Variants in DNAH5 observed in about 807,000 individuals in gnomAD.
DNAH5 encodes dynein axonemal heavy chain 5.
A neutral mutation model predicts 518.2 loss-of-function variants in DNAH5; 372 were observed. The ratio of observed to expected loss-of-function variants is 0.72; its 90% confidence interval spans 0.66 to 0.78. The LOEUF (loss-of-function observed/expected upper bound fraction) is 0.78, where lower values mean the gene tolerates loss of function less well. DNAH5 is among the 30% of genes least tolerant of loss of function. The pLI is 0.00. For synonymous variants in DNAH5, 2,039 were observed against 2,025.9 expected (o/e 1.01, Z -0.17); for missense variants, 5,523 against 5,687.0 (o/e 0.97, Z 0.93).
rs149133845 is a variant in DNAH5, at chr5:13,758,942, C to T, written c.10323G>A (p.Met3441Ile). ...CGGCCTGGGCTTTCTGCAGATCCTG[C>T]ATGGCCAGGAGATGGCGATTCTCTT... ...VVQENRHLLA[M>I]QDLQKAQAEL... Residue 3441 changes from methionine to isoleucine, a missense_variant, in exon 61 of 79, where the codon ATG becomes ATA. Met to Ile is a conservative substitution (Grantham distance 10, BLOSUM62 1). Coordinates refer to ENST00000265104, the MANE Select transcript of DNAH5 (RefSeq NM_001369.3). 2.8e-4 allele frequency: 458 copies of T among 1,614,158 alleles called. 2 individuals are homozygous for T. The African/African-American group carries it at 5.3e-3, about 19-fold the overall frequency.
chr5:13,952,793 T>G (rs563113609), intron 1 of DNAH5, among the ~76,000 whole-genome samples: 15 of 152,270 alleles, frequency 9.9e-5, no homozygotes, highest in Middle Eastern at 3.4e-3. Context: ...TCTTCAGGGT[T>G]TTTTAAAGAG....
chr5:13,841,234 C>T (rs1765116359), intron 33 of DNAH5, 104 bp from the exon 34 acceptor site: 6 of 902,646 alleles, frequency 6.6e-6, no homozygotes, highest in Non-Finnish European at 7.0e-6. Flanking sequence ...AAGTGTAAAG[C>T]CATGATTACA....
At chr5:13,738,959 A>G (rs1439550067) in intron 65 of DNAH5, among the ~76,000 whole-genome samples, 1 of 152,142 alleles carries the variant, frequency 6.6e-6, no homozygotes, top group Non-Finnish European at 1.5e-5. Flanking sequence ...CTGCGTTTAT[A>G]ATGTACAATT....
At chr5:13,937,787 A>G (rs894847100) in intron 1 of DNAH5, among the ~76,000 whole-genome samples, 2 of 152,158 alleles carry the variant, frequency 1.3e-5, no homozygotes, top group African/African-American at 4.8e-5. Context: ...ACACGTTGAA[A>G]TGAATATATT....
chr5:13,803,244 A>T (rs529284218), intron 47 of DNAH5, among the ~76,000 whole-genome samples: 41 of 152,206 alleles, frequency 2.7e-4, no homozygotes, highest in Non-Finnish European at 5.3e-4. Context: ...TATGCTCTTT[A>T]TTAAGAAATC....
At chr5:13,867,632 C>T in intron 25 of DNAH5, 142 bp downstream of exon 25, 1 of 757,350 alleles carries the variant, frequency 1.3e-6, no homozygotes, top group Non-Finnish European at 2.3e-6. Flanking sequence ...AAATGTTTTT[C>T]TCTCATGAAA....
intron 29 of DNAH5, among the ~76,000 whole-genome samples, chr5:13,860,792 A>G (rs1446771088): frequency 6.6e-6 from 1 of 152,204 alleles, no homozygotes; most frequent in Non-Finnish European, 1.5e-5. Context: ...ATCCTAAATG[A>G]TTATACAGCC....
rs913769097 is a variant in DNAH5 at position 13,817,765 on chromosome 5, A to C, written c.6842-71T>G. 4 of 1,489,106 alleles carry C rather than the reference A, an allele frequency of 2.7e-6. No individual in the cohort carries two copies. In the South Asian group the frequency reaches 4.6e-5, roughly 17 times the overall value. 92.2% of individuals were successfully genotyped at this position (1,489,106 alleles called of 1,614,324 possible). A position where few individuals can be genotyped will look rare whatever the true frequency, so the allele number is the denominator to read the frequency against. On this transcript the variant is annotated intron_variant, in intron 41 of 78. Transcript: ENST00000265104. ...AACCATCATTAAGCAACATTGCACT[A>C]ATTTGTGGTGTACTGTCAGCAGGTG...
intron 65 of DNAH5, among the ~76,000 whole-genome samples, chr5:13,738,968 T>G (rs1747997980): frequency 6.6e-6 from 1 of 152,094 alleles, no homozygotes; most frequent in African/African-American, 2.4e-5. Flanking sequence ...TAATGTACAA[T>G]TCATTATAAG....
At position 13,964,288 on chromosome 5, in the gene DNAH5, T is replaced by C. The variant is rs188437044; in HGVS notation, c.13-33044A>G. Among the ~76,000 whole-genome samples, 9 of 152,306 alleles carry C rather than the reference T, an allele frequency of 5.9e-5. No homozygotes were observed. The East Asian group carries it at 1.5e-3, about 26-fold the overall frequency. On this transcript the variant is annotated intron_variant, in intron 1 of 78. Coordinates refer to the DNAH5 transcript ENST00000681290. The stretch of plus-strand genomic sequence containing the variant: ...GCACCTTAGTACCAAAACGGGCCTT[T>C]TGAGCCCCTCTGGCTCCTCCACGGT...
At chr5:13,768,847 G>C in intron 58 of DNAH5, 113 bp downstream of exon 58, 1 of 1,216,646 alleles carries the variant, frequency 8.2e-7, no homozygotes, top group East Asian at 2.3e-5. Flanking sequence ...CACTCAAGTG[G>C]ATAGAGCTTT....
At chr5:13,890,940 A>G in intron 17 of DNAH5, 36 bp downstream of exon 17, 4 of 1,613,588 alleles carry the variant, frequency 2.5e-6, no homozygotes, top group Non-Finnish European at 2.5e-6. Flanking sequence ...TGAATCACCA[A>G]AAACCTTAAA....
chr5:13,753,414 C>T lies in DNAH5; in HGVS notation c.10691G>A (p.Ser3564Asn). The change falls in exon 63 of 79, where the codon AGT becomes AAT. Residue 3564 changes from serine to asparagine, a missense_variant. Ser to Asn is a conservative substitution (Grantham distance 46, BLOSUM62 1). Coordinates refer to ENST00000265104, the MANE Select transcript of DNAH5 (RefSeq NM_001369.3). ...KIPFGKNLNL[S>N]EMLIDAPTIS... is the part of the protein sequence containing the mutation. Reference sequence around the variant, plus strand: ...AGTAGGAGCATCAATCAACATCTCACTGAGATTTAGGTTCTTTCCAAATGG... The same window carrying T: ...AGTAGGAGCATCAATCAACATCTCATTGAGATTTAGGTTCTTTCCAAATGG... 1 of 1,614,056 alleles carries T rather than the reference C, an allele frequency of 6.2e-7. No individual in the cohort carries two copies. Among genetic ancestry groups the T allele is most frequent in the South Asian group, 1.1e-5 (1 of 91,076 alleles).
In DNAH5 at chr5:13,894,744, G is replaced by A. The variant is rs748444606; in HGVS notation, c.2337C>T (p.Ala779=). Residue 779 remains alanine, a synonymous_variant, in exon 16 of 79, where the codon GCC becomes GCT. Transcript: ENST00000265104. ...AIEQLIVPHL[A]KVDEALQPGL... is the part of the protein sequence containing the mutation. ...CAGGTTGGAGAGCTTCATCCACTTTGGCCAAGTGAGGGACAATCAATTGCT... is the reference window on the plus strand; with the variant it reads ...CAGGTTGGAGAGCTTCATCCACTTTAGCCAAGTGAGGGACAATCAATTGCT... 2 of 1,614,080 alleles carry A rather than the reference G, an allele frequency of 1.2e-6. No individual in the cohort carries two copies. Among genetic ancestry groups the A allele is most frequent in the Non-Finnish European group, 1.7e-6 (2 of 1,179,972 alleles).
chr5:13,735,705 T>G (rs1747297421), intron 67 of DNAH5, 113 bp downstream of exon 67: 1 of 922,512 alleles, frequency 1.1e-6, no homozygotes, highest in African/African-American at 1.6e-5. Context: ...TGATCTGAGA[T>G]TTAAAAAAGA....
chr5:13,954,765 G>A (rs1046730062), intron 1 of DNAH5, among the ~76,000 whole-genome samples: 12 of 152,156 alleles, frequency 7.9e-5, no homozygotes, highest in Admixed American at 3.3e-4. Flanking sequence ...CTGCCCCAGC[G>A]TTGATCTCGC....
At chr5:13,851,413 T>C (rs1031395532) in intron 30 of DNAH5, among the ~76,000 whole-genome samples, 1 of 152,134 alleles carries the variant, frequency 6.6e-6, no homozygotes, top group African/African-American at 2.4e-5. Context: ...GCTCAAGTGA[T>C]TCTCCTACCT....
At chr5:13,729,393 G>C in intron 69 of DNAH5, 46 bp downstream of exon 69, 1 of 1,612,072 alleles carries the variant, frequency 6.2e-7, no homozygotes, top group Non-Finnish European at 8.5e-7. Context: ...AAATCAGAAA[G>C]CTGCTCAACA....
intron 1 of DNAH5, among the ~76,000 whole-genome samples, chr5:13,992,175 A>T (rs1225735104): frequency 1.3e-5 from 2 of 152,210 alleles, no homozygotes; most frequent in African/African-American, 4.8e-5. Context: ...TTAAAATAAT[A>T]TTATTCATGT....
Sources: allele counts gnomAD v4.1 joint callset (sites outside exome capture counted in the v4.1 genomes callset), GRCh38; gene constraint gnomAD v4.1.1; transcripts MANE v1.5; gene names NCBI Gene and HGNC (gene_info 2026-07-23, HGNC 2026-07-21).